The following METTL21A variants were observed in gnomAD, a reference collection of about 807,000 sequenced individuals.
METTL21A encodes the protein methyltransferase 21A, HSPA lysine.
METTL21A carries 22 observed loss-of-function variants against 20.9 expected under a neutral mutation model. The ratio of observed to expected loss-of-function variants is 1.05; its 90% CI spans 0.75 to 1.50. The LOEUF is 1.50. Among genes scored for constraint, METTL21A ranks in the 40% most tolerant of loss-of-function variants. METTL21A has a pLI of 0.00. For missense variants in METTL21A, 271 were observed against 266.8 expected (o/e 1.02, Z -0.11); for synonymous variants, 93 against 102.0 (o/e 0.91, Z 0.53).
chr2:207,618,262 C>T (rs999254195), intron 3 of METTL21A, among the ~76,000 whole-genome samples: 6 of 152,164 alleles, frequency 3.9e-5, no homozygotes, highest in Non-Finnish European at 5.9e-5. Context: ...TCTATGGATA[C>T]AGCAGTTCCC....
intron 3 of METTL21A, among the ~76,000 whole-genome samples, chr2:207,616,976 G>A (rs568032021): frequency 1.3e-5 from 2 of 152,260 alleles, no homozygotes; most frequent in South Asian, 4.1e-4. Context: ...GCAGGGAGTC[G>A]GTGTCAACCG....
downstream of METTL21A, among the ~76,000 whole-genome samples, chr2:207,605,884 G>C (rs1264730608): frequency 6.6e-6 from 1 of 152,150 alleles, no homozygotes; most frequent in African/African-American, 2.4e-5. Context: ...TGATTATTAG[G>C]TATCTGCTAA....
intron 3 of METTL21A, chr2:207,601,818 A>G (rs1298904301): frequency 4.6e-6 from 1 of 219,258 alleles, no homozygotes; most frequent in African/African-American, 2.2e-5. Context: ...TTGTGAGATA[A>G]ATAGTTCACT....
chr2:207,600,025 A>G, intron 3 of METTL21A: 1 of 189,218 alleles, frequency 5.3e-6, no homozygotes, highest in Non-Finnish European at 1.1e-5. Context: ...TATTACTCTT[A>G]TGAGTTTTCA....
intron 2 of METTL21A, among the ~76,000 whole-genome samples, chr2:207,623,577 C>T (rs1015971288): frequency 3.9e-5 from 6 of 152,154 alleles, no homozygotes; most frequent in Non-Finnish European, 8.8e-5. Context: ...CTCGGCTGGG[C>T]GCTGTGGCTC....
chr2:207,581,834 T>C (rs1395221044), exon 4 of METTL21A: 1 of 702,624 alleles, frequency 1.4e-6, no homozygotes, highest in Non-Finnish European at 2.6e-6. Context: ...AATTATAGTC[T>C]CCTTCAGTCT....
chr2:207,590,390 G>A (rs1193557986), intron 3 of METTL21A, among the ~76,000 whole-genome samples: 1 of 151,146 alleles, frequency 6.6e-6, no homozygotes, highest in Non-Finnish European at 1.5e-5. Context: ...TATCAATTTT[G>A]TTGATTGTTT....
chr2:207,590,818 T>C (rs1048124606), intron 3 of METTL21A, among the ~76,000 whole-genome samples: 1 of 152,204 alleles, frequency 6.6e-6, no homozygotes, highest in African/African-American at 2.4e-5. Flanking sequence ...ACCCTTGATA[T>C]AAATAATTGA....
downstream of METTL21A, chr2:207,612,742 A>G (rs1431236163): frequency 4.3e-6 from 1 of 231,368 alleles, no homozygotes; most frequent in Non-Finnish European, 8.3e-6. Flanking sequence ...CCGGCCCTTC[A>G]TATCATCAGT....
chr2:207,605,278 A>T (rs550509821), downstream of METTL21A, among the ~76,000 whole-genome samples: 1 of 152,136 alleles, frequency 6.6e-6, no homozygotes, highest in South Asian at 2.1e-4. Flanking sequence ...GTGGTCTCTC[A>T]TTGTGGTTTT....
chr2:207,586,371 A>G (rs1388210162), intron 3 of METTL21A, among the ~76,000 whole-genome samples: 1 of 152,188 alleles, frequency 6.6e-6, no homozygotes, highest in East Asian at 1.9e-4. Context: ...ATCTGTGTGC[A>G]GAGAATGAAA....
chr2:207,597,885 T>A (rs979925218), intron 3 of METTL21A: 1 of 189,028 alleles, frequency 5.3e-6, no homozygotes, highest in African/African-American at 2.3e-5. Context: ...AGTAAAATGC[T>A]GATCAGTAAA....
chr2:207,592,536 G>A (rs1423553106), intron 3 of METTL21A, among the ~76,000 whole-genome samples: 3 of 152,004 alleles, frequency 2.0e-5, no homozygotes. Flanking sequence ...TATGCCTAGG[G>A]ATTTTCCCTC....
chr2:207,597,960 T>C (rs1422440549), intron 3 of METTL21A: 1 of 184,740 alleles, frequency 5.4e-6, no homozygotes, highest in Non-Finnish European at 1.1e-5. Flanking sequence ...TTCAAAAATA[T>C]TTATATTGTC....
At chr2:207,607,394 AAAAG>A (rs148420908), downstream of METTL21A, among the ~76,000 whole-genome samples, 11,576 of 151,442 alleles carry the variant, frequency 0.076, 516 homozygotes, top group African/African-American at 0.12. Flanking sequence ...CATCTCAAAA[AAAAG>A]AAAGAAAGAA....
chr2:207,613,176 C>T lies in METTL21A; in HGVS notation c.527G>A (p.Arg176His), dbSNP rs372280518. 18 of 1,613,962 alleles carry T rather than the reference C, an allele frequency of 1.1e-5. No individual in the cohort carries two copies. The South Asian group carries it at 1.2e-4, about 11-fold the overall frequency. ...TAAGAAGTTGTTATCCCGTTCATAG[C>T]GAATTCGGCATGCTAAAAGAATCAC... Residue 176 changes from arginine to histidine, a missense_variant, in exon 4 of 4, where the codon CGC becomes CAC. Transcript: ENST00000406927.
chr2:207,618,912 T>G (rs1402565218), intron 3 of METTL21A, among the ~76,000 whole-genome samples: 1 of 152,100 alleles, frequency 6.6e-6, no homozygotes, highest in Admixed American at 6.6e-5. Context: ...GAACGAGGAT[T>G]TGAGAGTCAG....
At chr2:207,616,545 T>TA (rs890262192) in intron 3 of METTL21A, among the ~76,000 whole-genome samples, 17 of 152,238 alleles carry the variant, frequency 1.1e-4, no homozygotes, top group Non-Finnish European at 2.1e-4. Flanking sequence ...AGACGTTTTT[T>TA]AAAAAAACAG....
At chr2:207,605,930 A>G (rs2106762535), downstream of METTL21A, among the ~76,000 whole-genome samples, 1 of 152,312 alleles carries the variant, frequency 6.6e-6, no homozygotes, top group East Asian at 1.9e-4. Context: ...TACTATTTTT[A>G]TGTCAAACTT....
Sources: allele counts gnomAD v4.1 joint callset (sites outside exome capture counted in the v4.1 genomes callset), GRCh38; gene constraint gnomAD v4.1.1; transcripts MANE v1.5; gene names NCBI Gene and HGNC (gene_info 2026-07-23, HGNC 2026-07-21).